Variants in AGA observed in about 807,000 individuals in gnomAD.
The protein encoded by AGA is N(4)-(beta-N-acetylglucosaminyl)-L-asparaginase.
A neutral mutation model predicts 40.1 loss-of-function variants in AGA; 31 were observed. That is an observed-to-expected ratio of 0.77 (90% CI 0.58 to 1.04). The LOEUF is 1.04. AGA is among the 50% of genes least tolerant of loss of function. AGA has a pLI of 0.00. For missense variants in AGA, 445 were observed against 435.4 expected (o/e 1.02, Z -0.20); for synonymous variants, 148 against 144.0 (o/e 1.03, Z -0.20).
At chr4:177,432,602 T>A (rs1281441817) in intron 8 of AGA, among the ~76,000 whole-genome samples, 1 of 152,172 alleles carries the variant, frequency 6.6e-6, no homozygotes, top group African/African-American at 2.4e-5. Context: ...TCCAACCTAA[T>A]AAGTCATATT....
chr4:177,442,130 C>G, intron 1 of AGA, 119 bp downstream of exon 1: 1 of 1,456,874 alleles, frequency 6.9e-7, no homozygotes, highest in Non-Finnish European at 9.3e-7. Flanking sequence ...GACCGCGAGG[C>G]CCGGCCCAGC....
Position 177,430,820 on chromosome 4 carries a change from G to C in AGA, c.*888C>G, listed in dbSNP as rs1304720539. The C allele has an allele frequency of 2.2e-6, 1 of 453,936 alleles. No individual in the cohort carries two copies. 28.1% of individuals were successfully genotyped at this position (453,936 alleles called of 1,614,324 possible). A position where few individuals can be genotyped will look rare whatever the true frequency, so the allele number is the denominator to read the frequency against. ...TTTATTAATGACTGTTGATTAAAAA[G>C]ATGATTTTGAAGGAAAAATGCTGCT... On this transcript the variant is annotated 3_prime_UTR_variant, in exon 9 of 9. Coordinates refer to ENST00000264595, the MANE Select transcript of AGA (RefSeq NM_000027.4).
chr4:177,437,237 G>A, intron 5 of AGA, 168 bp downstream of exon 5: 1 of 601,996 alleles, frequency 1.7e-6, no homozygotes, highest in Non-Finnish European at 2.9e-6. Context: ...TAAATAATTT[G>A]CCAAATTTTA....
At chr4:177,437,217 G>C in intron 5 of AGA, 188 bp downstream of exon 5, 1 of 572,836 alleles carries the variant, frequency 1.7e-6, no homozygotes, top group Non-Finnish European at 3.1e-6. Flanking sequence ...TGGGTTTTAG[G>C]TGTCTTGTAT....
At chr4:177,439,435 T>C in intron 3 of AGA, 141 bp downstream of exon 3, 1 of 735,354 alleles carries the variant, frequency 1.4e-6, no homozygotes, top group Non-Finnish European at 2.5e-6. Flanking sequence ...ATTTAAAAGT[T>C]ACTTATCCAG....
In AGA at chr4:177,440,146, G is replaced by A; in HGVS notation, c.281+127C>T. ...TGAGAGGGAAACTGTGTTTAGAAAGGTCAAGTATAATAAGCTAGGGGTTTT... is the reference window on the plus strand; with the variant it reads ...TGAGAGGGAAACTGTGTTTAGAAAGATCAAGTATAATAAGCTAGGGGTTTT... On this transcript the variant is annotated intron_variant, in intron 2 of 8. Coordinates refer to ENST00000264595, the MANE Select transcript of AGA (RefSeq NM_000027.4). 5 of 1,154,400 alleles carry A rather than the reference G, an allele frequency of 4.3e-6. 1 individual carries two copies. In the South Asian group the frequency reaches 5.0e-5, roughly 12 times the overall value. 71.5% of individuals were successfully genotyped at this position (1,154,400 alleles called of 1,614,324 possible). A position where few individuals can be genotyped will look rare whatever the true frequency, so the allele number is the denominator to read the frequency against.
At chr4:177,439,542 A>G (rs1170190461) in intron 3 of AGA, 34 bp downstream of exon 3, 5 of 1,441,734 alleles carry the variant, frequency 3.5e-6, no homozygotes, top group Non-Finnish European at 4.9e-6. Context: ...TAGTCAAAAG[A>G]CTAGAAAAAA....
At position 177,434,444 on chromosome 4, in the gene AGA, G is replaced by A. The variant is rs148052291; in HGVS notation, c.744C>T (p.Asp248=). The change falls in exon 7 of 9, where the codon GAC becomes GAT. Residue 248 remains aspartate (D), a synonymous_variant. Transcript: ENST00000264595. ...TGGCTGCGGCTGCCCCTGCAGTATCGTCAGCATAGGCTCCAGCTCCAGGTA... is the reference window on the plus strand; with the variant it reads ...TGGCTGCGGCTGCCCCTGCAGTATCATCAGCATAGGCTCCAGCTCCAGGTA... ...SPIPGAGAYA[D]DTAGAAAATG... The A allele has an allele frequency of 1.1e-4, 172 of 1,614,136 alleles. No individual in the cohort carries two copies. The East Asian group carries it at 2.5e-3, about 23-fold the overall frequency.
At chr4:177,438,120 G>A (rs546621009) in intron 4 of AGA, among the ~76,000 whole-genome samples, 37 of 152,212 alleles carry the variant, frequency 2.4e-4, no homozygotes, top group African/African-American at 6.7e-4. Flanking sequence ...ACATCAGTGC[G>A]CTAGGTGCCT....
rs778799941 is a variant in AGA at position 177,431,796 on chromosome 4, T to C, written c.953A>G (p.Asn318Ser). ...NVTGSYGAAC[N>S]KLSTFTQFSF... ...AAACTGAGTAAATGTTGAAAGTTTA[T>C]TGCAAGCAGCACCTGGGGCCAAAAA... Residue 318 changes from asparagine to serine, a missense_variant, in exon 9 of 9, where the codon AAT becomes AGT. Asn to Ser is a conservative substitution (Grantham distance 46). Transcript: ENST00000264595. 2 of 1,613,704 alleles carry C rather than the reference T, an allele frequency of 1.2e-6. No homozygotes were observed. The highest frequency in any genetic ancestry group is 1.3e-5 in the African/African-American group (1 of 74,914).
In AGA at chr4:177,432,336, A is replaced by C. The variant is rs1736659056; in HGVS notation, c.941-528T>G. Among the ~76,000 whole-genome samples the C allele has an allele frequency of 2.6e-5, 4 of 152,110 alleles. No homozygotes were observed. The South Asian group carries it at 8.3e-4, about 32-fold the overall frequency. The stretch of plus-strand genomic sequence containing the variant: ...GGTCATTAAATAGAAGAAACTAGTC[A>C]CCTGTAAATTCATCCACAATTATAT... On this transcript the variant is annotated intron_variant, in intron 8 of 8. Coordinates refer to ENST00000264595, the MANE Select transcript of AGA (RefSeq NM_000027.4).
intron 3 of AGA, 127 bp from the exon 4 acceptor site, chr4:177,438,984 A>G (rs1462018415): frequency 1.4e-6 from 1 of 722,990 alleles, no homozygotes; most frequent in Non-Finnish European, 2.5e-6. Flanking sequence ...TCAAAGGAAT[A>G]TTCACACATG....
At chr4:177,438,595 A>G (rs1184207920) in intron 4 of AGA, 150 bp downstream of exon 4, 1 of 673,102 alleles carries the variant, frequency 1.5e-6, no homozygotes, top group Non-Finnish European at 2.7e-6. Context: ...AGGAACATCC[A>G]TACCTGGAGA....
intron 4 of AGA, 133 bp from the exon 5 acceptor site, chr4:177,437,652 G>A: frequency 1.5e-6 from 1 of 668,214 alleles, no homozygotes. Flanking sequence ...AGAATTAAAA[G>A]CTAAGAAATC....
intron 1 of AGA, among the ~76,000 whole-genome samples, chr4:177,441,252 T>TG (rs1560951444): frequency 1.3e-5 from 2 of 152,172 alleles, no homozygotes; most frequent in Non-Finnish European, 2.9e-5. Context: ...CCCAGGCTGA[T>TG]GCAATTTCTT....
At chr4:177,432,057 T>C (rs968226802) in intron 8 of AGA, among the ~76,000 whole-genome samples, 7 of 152,226 alleles carry the variant, frequency 4.6e-5, no homozygotes, top group Non-Finnish European at 7.3e-5. Flanking sequence ...TGTTGATCTA[T>C]ACACATGCTG....
At chr4:177,434,554 G>T in intron 6 of AGA, 65 bp from the exon 7 acceptor site, 1 of 1,345,684 alleles carries the variant, frequency 7.4e-7, no homozygotes, top group South Asian at 1.2e-5. Flanking sequence ...GTCATAAGCT[G>T]TTCCAAATAA....
At chr4:177,433,157 G>A (rs1191956377) in intron 8 of AGA, 57 bp downstream of exon 8, 3 of 1,605,992 alleles carry the variant, frequency 1.9e-6, no homozygotes, top group South Asian at 1.1e-5. Flanking sequence ...TTTAAAAAGT[G>A]TATGTTTTAG....
At chr4:177,441,011 G>A (rs1736986609) in intron 1 of AGA, among the ~76,000 whole-genome samples, 1 of 152,140 alleles carries the variant, frequency 6.6e-6, no homozygotes, top group Non-Finnish European at 1.5e-5. Context: ...CCACAGGTCA[G>A]GCAGTTAGTT....
Sources: gnomAD v4.1 joint callset for allele counts (sites outside exome capture counted in the v4.1 genomes callset) on GRCh38, gnomAD v4.1.1 for gene constraint, MANE v1.5 for transcripts, NCBI Gene and HGNC (gene_info 2026-07-23, HGNC 2026-07-21) for gene names.